Variants in HEATR1 observed in about 807,000 individuals in gnomAD.
HEATR1 encodes HEAT repeat-containing protein 1.
HEATR1 carries 77 observed loss-of-function variants against 248.2 expected under a neutral mutation model. The observed-to-expected ratio is 0.31, with a 90% CI of 0.26 to 0.37. The LOEUF (loss-of-function observed/expected upper bound fraction) is 0.37. Ranked by LOEUF, HEATR1 falls within the 10% of genes least tolerant of loss-of-function variation. HEATR1 has a pLI of 1.00. For missense variants in HEATR1, 2,420 were observed against 2,504.9 expected (o/e 0.97, Z 0.72); for synonymous variants, 897 against 923.1 (o/e 0.97, Z 0.51).
intron 26 of HEATR1, 102 bp from the exon 27 acceptor site, chr1:236,571,788 T>A (rs942566267): frequency 2.6e-6 from 2 of 774,502 alleles, no homozygotes; most frequent in Non-Finnish European, 2.2e-6. Context: ...AAGGAACTCA[T>A]TCAATAAGGA....
intron 4 of HEATR1, 70 bp from the exon 5 acceptor site, chr1:236,598,049 C>A (rs753098274): frequency 3.4e-5 from 31 of 910,758 alleles, no homozygotes; most frequent in Non-Finnish European, 5.3e-5. Context: ...AGCATTTACC[C>A]TAGTAATGTC....
At chr1:236,553,301 A>G (rs1329111386) in intron 43 of HEATR1, among the ~76,000 whole-genome samples, 1 of 152,260 alleles carries the variant, frequency 6.6e-6, no homozygotes, top group Non-Finnish European at 1.5e-5. Context: ...TTGTTATTTA[A>G]AAGTATTTAG....
intron 44 of HEATR1, 56 bp from the exon 45 acceptor site, chr1:236,551,046 G>A (rs1307469657): frequency 3.0e-6 from 4 of 1,320,138 alleles, no homozygotes; most frequent in Non-Finnish European, 3.1e-6. Context: ...GCCTGCCTCG[G>A]TTCTCATTAG....
rs1288745516 is a variant in HEATR1, at chr1:236,550,293, T to C, written c.*609A>G. 1 of 152,120 alleles carries C rather than the reference T, an allele frequency of 6.6e-6. No homozygotes were observed. Among genetic ancestry groups the C allele is most frequent in the Non-Finnish European group, 1.5e-5 (1 of 68,042 alleles). The allele number at this position is 152,120 out of a possible 1,614,324, so 9.4% of individuals were successfully genotyped here. A position where few individuals can be genotyped will look rare whatever the true frequency, so the allele number is the denominator to read the frequency against. On this transcript the variant is annotated 3_prime_UTR_variant, in exon 45 of 45. Transcript: ENST00000366582. ...AGAAGCAGCGTGTTGCCTTCATCTC[T>C]CCCGTTTCCCAAAAGAACAAAGGAT...
At chr1:236,583,793 G>C (rs888421832) in intron 17 of HEATR1, among the ~76,000 whole-genome samples, 1 of 152,008 alleles carries the variant, frequency 6.6e-6, no homozygotes, top group South Asian at 2.1e-4. Flanking sequence ...GGCCAAAATA[G>C]GTATATTTCA....
At chr1:236,574,427 G>A in intron 23 of HEATR1, 94 bp from the exon 24 acceptor site, 2 of 1,413,162 alleles carry the variant, frequency 1.4e-6, no homozygotes, top group Non-Finnish European at 1.9e-6. Context: ...ATACAAAATT[G>A]TTTCCCACTT....
rs1246982024 is a variant in HEATR1 at position 236,574,333 on chromosome 1, T to C, written c.3328A>G (p.Ile1110Val). The C allele has an allele frequency of 6.2e-7, 1 of 1,607,274 alleles. No individual in the cohort carries two copies. The highest frequency in any genetic ancestry group is 8.5e-7 in the Non-Finnish European group (1 of 1,178,334). The change falls in exon 24 of 45, where the codon ATT becomes GTT. Residue 1110 changes from isoleucine (I) to valine (V), a missense_variant and splice_region_variant. Coordinates refer to ENST00000366582, the MANE Select transcript of HEATR1 (RefSeq NM_018072.6). The part of the protein sequence containing the change: ...PTIQITALEK[I>V]TKPFFAAISD... ...ATGGCTGCAAAAAATGGTTTTGTAA[T>C]CTAGAGGGGGTAGAAAAAAGGCAAC...
intron 22 of HEATR1, 104 bp downstream of exon 22, chr1:236,576,115 G>A (rs920394582): frequency 2.5e-5 from 20 of 803,312 alleles, no homozygotes; most frequent in Non-Finnish European, 3.6e-5. Context: ...TCTCTTCTGA[G>A]CGCACACATG....
At chr1:236,569,177 T>C in intron 28 of HEATR1, 53 bp from the exon 29 acceptor site, 1 of 1,408,910 alleles carries the variant, frequency 7.1e-7, no homozygotes, top group Non-Finnish European at 9.6e-7. Context: ...TTTCTACTAA[T>C]TTTTTTTTCA....
chr1:236,566,613 C>T (rs1663278485), intron 30 of HEATR1, 33 bp downstream of exon 30: 1 of 1,463,084 alleles, frequency 6.8e-7, no homozygotes, highest in Non-Finnish European at 9.5e-7. Context: ...GAGAAATCAC[C>T]ATTTTCCTTA....
At chr1:236,584,921 A>G (rs1663843639) in intron 17 of HEATR1, 104 bp downstream of exon 17, 1 of 951,052 alleles carries the variant, frequency 1.1e-6, no homozygotes, top group East Asian at 2.6e-5. Flanking sequence ...GCTACTATCC[A>G]CAGACTCAAC....
rs1197791484 is a variant in HEATR1 at position 236,586,459 on chromosome 1, G to T, written c.1716-7C>A. Reference sequence around the variant, plus strand: ...TATCTTAAGTACCTCGTACCTAAAAGACATGCAAGCACACTTGGTTGAAAG... The same window carrying T: ...TATCTTAAGTACCTCGTACCTAAAATACATGCAAGCACACTTGGTTGAAAG... On this transcript the variant is annotated splice_region_variant and splice_polypyrimidine_tract_variant and intron_variant, in intron 14 of 44. Coordinates refer to ENST00000366582, the MANE Select transcript of HEATR1 (RefSeq NM_018072.6). The T allele has an allele frequency of 6.3e-7, 1 of 1,590,080 alleles. No individual in the cohort carries two copies. Among genetic ancestry groups the T allele is most frequent in the Non-Finnish European group, 8.6e-7 (1 of 1,159,292 alleles).
intron 17 of HEATR1, 28 bp downstream of exon 17, chr1:236,584,997 C>T (rs1663845351): frequency 6.3e-7 from 1 of 1,583,868 alleles, no homozygotes; most frequent in Non-Finnish European, 8.6e-7. Context: ...TTCAACATCC[C>T]ACTTTCTGGA....
At chr1:236,595,048 G>C (rs979670045) in intron 8 of HEATR1, among the ~76,000 whole-genome samples, 13 of 143,148 alleles carry the variant, frequency 9.1e-5, no homozygotes, top group Non-Finnish European at 1.5e-4. Flanking sequence ...ATAGGTTTGA[G>C]CCACCTGGCC....
At chr1:236,586,900 G>C (rs1313969109) in intron 14 of HEATR1, among the ~76,000 whole-genome samples, 2 of 151,900 alleles carry the variant, frequency 1.3e-5, no homozygotes, top group Non-Finnish European at 2.9e-5. Context: ...CCATACGATA[G>C]ATACAAAAAC....
intron 8 of HEATR1, among the ~76,000 whole-genome samples, chr1:236,595,073 T>G (rs1664135965): frequency 3.6e-5 from 1 of 27,924 alleles, no homozygotes; most frequent in African/African-American, 6.1e-5. Context: ...AATTATTACT[T>G]TTTGCTTTTT....
chr1:236,586,210 C>T, intron 15 of HEATR1, 31 bp downstream of exon 15: 1 of 1,537,204 alleles, frequency 6.5e-7, no homozygotes, highest in Non-Finnish European at 8.9e-7. Context: ...TATCTGTTCA[C>T]TTTTTCTAAA....
chr1:236,570,243 C>T (rs1194673230), intron 28 of HEATR1, among the ~76,000 whole-genome samples: 4 of 152,174 alleles, frequency 2.6e-5, no homozygotes, highest in Admixed American at 1.3e-4. Flanking sequence ...GAGCTGAGAT[C>T]GCGCCACTGC....
At chr1:236,574,112 C>T (rs1037763832) in intron 24 of HEATR1, 90 bp downstream of exon 24, 55 of 1,135,580 alleles carry the variant, frequency 4.8e-5, no homozygotes, top group Middle Eastern at 2.2e-4. Flanking sequence ...CTCTTACAAG[C>T]ACTATAAAAT....
Sources: gnomAD v4.1 joint callset for allele counts (sites outside exome capture counted in the v4.1 genomes callset) on GRCh38, gnomAD v4.1.1 for gene constraint, MANE v1.5 for transcripts, NCBI Gene and HGNC (gene_info 2026-07-23, HGNC 2026-07-21) for gene names.